The following EXD3 variants were observed in gnomAD, a reference collection of about 807,000 sequenced individuals.
EXD3 encodes the protein exonuclease mut-7 homolog.
In EXD3, 92 loss-of-function variants were observed where a neutral mutation model predicts 98.0. The observed-to-expected ratio is 0.94, with a 90% CI of 0.79 to 1.12. EXD3 has a LOEUF of 1.12. Among genes scored for constraint, EXD3 ranks in the 50% most tolerant of loss-of-function variants. The pLI is 0.00. For missense variants in EXD3, 1,222 were observed against 1,191.6 expected (o/e 1.03, Z -0.38); for synonymous variants, 569 against 526.0 (o/e 1.08, Z -1.12).
chr9:137,327,330 T>A (rs753708490), intron 17 of EXD3, among the ~76,000 whole-genome samples: 11 of 152,116 alleles, frequency 7.2e-5, no homozygotes, highest in Non-Finnish European at 1.3e-4. Context: ...AGACAGGGTT[T>A]CACTATGTTA....
chr9:137,368,031 G>A (rs1338476484), intron 5 of EXD3, 42 bp from the exon 6 acceptor site: 12 of 1,563,140 alleles, frequency 7.7e-6, no homozygotes, highest in Non-Finnish European at 1.0e-5. Context: ...GGCCTGGGAG[G>A]GGCCAGGCAG....
chr9:137,381,122 A>ACACACACACG (rs1564193720), intron 3 of EXD3: 12 of 147,178 alleles, frequency 8.2e-5, no homozygotes, highest in African/African-American at 2.3e-4. Context: ...ACACACACAC[A>ACACACACACG]CGAAAAGCCT....
Position 137,323,869 on chromosome 9 carries a change from G to T in EXD3, c.2053-13C>A, listed in dbSNP as rs764358200. 6.2e-7 allele frequency: 1 copy of T among 1,604,118 alleles called. No homozygotes were observed. Among genetic ancestry groups the T allele is most frequent in the Non-Finnish European group, 8.5e-7 (1 of 1,176,724 alleles). On this transcript the variant is annotated splice_polypyrimidine_tract_variant and intron_variant, in intron 18 of 21. Transcript: ENST00000340951. Reference sequence around the variant, plus strand: ...CCTGGGCCCGGAGCTGCAAAGACACGGCTCGGCTACTGAGGGGCAGTGCAG... The same window carrying T: ...CCTGGGCCCGGAGCTGCAAAGACACTGCTCGGCTACTGAGGGGCAGTGCAG...
intron 1 of EXD3, among the ~76,000 whole-genome samples, chr9:137,417,959 G>C (rs545333014): frequency 6.6e-6 from 1 of 152,324 alleles, no homozygotes; most frequent in African/African-American, 2.4e-5. Context: ...CGGAGGGGAC[G>C]GGTGAGCCTC....
chr9:137,400,857 T>A (rs1837450220), intron 1 of EXD3, among the ~76,000 whole-genome samples: 1 of 152,174 alleles, frequency 6.6e-6, no homozygotes, highest in South Asian at 2.1e-4. Context: ...GGCAGTCAAA[T>A]TTTAAAGCTC....
chr9:137,321,796 T>C (rs909767271), intron 19 of EXD3, among the ~76,000 whole-genome samples: 3 of 152,130 alleles, frequency 2.0e-5, no homozygotes, highest in Admixed American at 2.0e-4. Flanking sequence ...AAGCAGCCCG[T>C]ACCCTCCACC....
chr9:137,367,120 C>T (rs915001022), intron 6 of EXD3, among the ~76,000 whole-genome samples: 10 of 152,212 alleles, frequency 6.6e-5, no homozygotes, highest in East Asian at 3.9e-4. Context: ...CCGTAGACAA[C>T]GCCCCTCGAA....
chr9:137,312,586 GC>G (rs1295222017), intron 19 of EXD3, among the ~76,000 whole-genome samples: 2 of 152,186 alleles, frequency 1.3e-5, no homozygotes, highest in South Asian at 4.1e-4. Context: ...ACCCTCCAGG[GC>G]CCTCTCCTCT....
At chr9:137,384,003 T>C (rs2131725662) in intron 2 of EXD3, among the ~76,000 whole-genome samples, 1 of 150,528 alleles carries the variant, frequency 6.6e-6, no homozygotes, top group Non-Finnish European at 1.5e-5. Flanking sequence ...TGCAGGGGAG[T>C]GGAGACCCAC....
Position 137,395,667 on chromosome 9 carries a change from TG to T in EXD3, c.-47-264del, listed in dbSNP as rs918038480. ...GGAGGGCAGGGGGTGGGAGGGGCCC[TG>T]GGGGGGGGCACAGTAGACAGACCCT... On this transcript the variant is annotated intron_variant, in intron 1 of 21. Coordinates refer to ENST00000340951, the MANE Select transcript of EXD3 (RefSeq NM_017820.5). The surrounding 1 kb of genome is among the most constrained non-coding windows in gnomAD (Gnocchi z 6.5). Among the ~76,000 whole-genome samples, 25 of 131,856 alleles carry T rather than the reference TG, an allele frequency of 1.9e-4. No individual in the cohort carries two copies. The highest frequency in any genetic ancestry group is 2.5e-4 in the South Asian group (1 of 4,072). The allele number at this position is 131,856 out of a possible 152,430, so 86.5% of individuals were successfully genotyped here.
intron 6 of EXD3, 61 bp from the exon 7 acceptor site, chr9:137,366,693 C>A (rs905108759): frequency 1.4e-5 from 21 of 1,519,212 alleles, no homozygotes; most frequent in Admixed American, 8.3e-5. Flanking sequence ...CCTGACTCAC[C>A]TCCAACCCAG....
At chr9:137,332,749 G>A (rs1040175282) in intron 17 of EXD3, among the ~76,000 whole-genome samples, 2 of 152,220 alleles carry the variant, frequency 1.3e-5, no homozygotes, top group African/African-American at 4.8e-5. Context: ...GGAGGCTGAG[G>A]CAGGGGAATC....
chr9:137,419,959 A>G (rs188713050), intron 1 of EXD3, among the ~76,000 whole-genome samples: 1,739 of 152,234 alleles, frequency 0.011, 15 homozygotes, highest in Middle Eastern at 0.02. Context: ...GGAGATCGAG[A>G]CCATCCTGGC....
At chr9:137,374,087 G>C (rs936830337) in intron 3 of EXD3, among the ~76,000 whole-genome samples, 1 of 152,264 alleles carries the variant, frequency 6.6e-6, no homozygotes, top group Non-Finnish European at 1.5e-5. Context: ...CATCTGTTTT[G>C]GGCTCTGGCT....
chr9:137,404,978 C>T (rs1337530171), intron 1 of EXD3, among the ~76,000 whole-genome samples: 1 of 152,182 alleles, frequency 6.6e-6, no homozygotes, highest in Non-Finnish European at 1.5e-5. Context: ...GCTGTTGCCA[C>T]AGCCCTCCCA....
chr9:137,412,025 C>G (rs1405453393), intron 1 of EXD3, among the ~76,000 whole-genome samples: 1 of 152,176 alleles, frequency 6.6e-6, no homozygotes, highest in South Asian at 2.1e-4. Flanking sequence ...TCCCTGGCAC[C>G]CCGATGGGGG....
intron 1 of EXD3, among the ~76,000 whole-genome samples, 168 bp downstream of exon 1, chr9:137,422,946 T>G (rs1157289483): frequency 4.0e-5 from 6 of 151,786 alleles, no homozygotes; most frequent in African/African-American, 1.5e-4. Context: ...GAACGCACCT[T>G]CCCCGCCCCA....
At chr9:137,363,105 C>A (rs1835065759) in intron 7 of EXD3, among the ~76,000 whole-genome samples, 1 of 151,976 alleles carries the variant, frequency 6.6e-6, no homozygotes, top group Non-Finnish European at 1.5e-5. Flanking sequence ...GTCACCACAC[C>A]CAGCCCTCTC....
At chr9:137,420,293 A>C (rs915721194) in intron 1 of EXD3, among the ~76,000 whole-genome samples, 5 of 152,212 alleles carry the variant, frequency 3.3e-5, no homozygotes, top group African/African-American at 7.2e-5. Flanking sequence ...GAGTCAGAAA[A>C]CCTTTTTCTT....
Sources: allele counts gnomAD v4.1 joint callset (sites outside exome capture counted in the v4.1 genomes callset), GRCh38; gene constraint gnomAD v4.1.1; non-coding constraint Gnocchi (gnomAD v3.1); transcripts MANE v1.5; gene names NCBI Gene and HGNC (gene_info 2026-07-23, HGNC 2026-07-21).